RCOR1: variants seen among roughly 807,000 people sequenced by gnomAD.
RCOR1 encodes the protein REST corepressor.
RCOR1 carries 12 observed loss-of-function variants against 64.0 expected under a neutral mutation model. The observed-to-expected ratio is 0.19, with a 90% CI of 0.12 to 0.30. The LOEUF (loss-of-function observed/expected upper bound fraction) is 0.30, where lower values mean the gene tolerates loss of function less well. Among genes scored for constraint, RCOR1 ranks in the 10% least tolerant of loss-of-function variants. The pLI is 1.00. For synonymous variants in RCOR1, 279 were observed against 227.2 expected (o/e 1.23, Z -2.05); for missense variants, 502 against 621.2 (o/e 0.81, Z 2.04).
At chr14:102,657,551 T>G (rs1894751266) in intron 2 of RCOR1, 9 of 983,288 alleles carry the variant, frequency 9.2e-6, no homozygotes, top group Non-Finnish European at 9.7e-6. Context: ...ATCTGATGAT[T>G]GACTGACTGG....
chr14:102,658,822 C>T (rs1166487615), intron 2 of RCOR1, among the ~76,000 whole-genome samples: 1 of 152,188 alleles, frequency 6.6e-6, no homozygotes, highest in Non-Finnish European at 1.5e-5. Flanking sequence ...CTGTTTTTCA[C>T]ATGACTAGAC....
At chr14:102,650,937 T>C in intron 2 of RCOR1, 1 of 744,538 alleles carries the variant, frequency 1.3e-6, no homozygotes, top group Non-Finnish European at 1.6e-6. Context: ...TTAATTATCT[T>C]ATTACTAATA....
intron 2 of RCOR1, among the ~76,000 whole-genome samples, chr14:102,635,237 C>T (rs907455759): frequency 6.6e-6 from 1 of 152,214 alleles, no homozygotes; most frequent in African/African-American, 2.4e-5. Context: ...CACACGGCGG[C>T]TCATGCCTAT....
intron 2 of RCOR1, among the ~76,000 whole-genome samples, chr14:102,638,416 C>T (rs1025721616): frequency 4.6e-5 from 7 of 152,068 alleles, no homozygotes; most frequent in Non-Finnish European, 1.0e-4. Context: ...TCGTTCTTGT[C>T]ACCCAGGCTA....
At chr14:102,624,592 ACTCT>A (rs1208634323) in intron 2 of RCOR1, among the ~76,000 whole-genome samples, 1 of 151,868 alleles carries the variant, frequency 6.6e-6, no homozygotes, top group Non-Finnish European at 1.5e-5. Flanking sequence ...CTGGTGAAAC[ACTCT>A]CTCTACAAAA....
At chr14:102,656,133 T>A (rs1456516183) in intron 2 of RCOR1, 1 of 974,844 alleles carries the variant, frequency 1.0e-6, no homozygotes, top group Non-Finnish European at 1.2e-6. Context: ...GCTGAGATTT[T>A]TTTATTTTTT....
At chr14:102,676,507 A>G (rs1309401109) in intron 2 of RCOR1, among the ~76,000 whole-genome samples, 1 of 6,544 alleles carries the variant, frequency 1.5e-4, no homozygotes, top group African/African-American at 8.0e-4. Flanking sequence ...CGGCTGGCCG[A>G]CCCCCCCCCA....
chr14:102,688,920 C>T (rs1895475425), intron 3 of RCOR1, among the ~76,000 whole-genome samples: 1 of 152,190 alleles, frequency 6.6e-6, no homozygotes. Flanking sequence ...ACTCCATCCT[C>T]ATTCCAGTTG....
At chr14:102,693,073 C>G (rs1465517953) in intron 3 of RCOR1, among the ~76,000 whole-genome samples, 2 of 152,114 alleles carry the variant, frequency 1.3e-5, no homozygotes, top group African/African-American at 4.8e-5. Context: ...GCCCACATCC[C>G]ATTCTTGAAC....
At chr14:102,685,762 G>A (rs1895405260) in intron 3 of RCOR1, among the ~76,000 whole-genome samples, 1 of 152,132 alleles carries the variant, frequency 6.6e-6, no homozygotes, top group Admixed American at 6.5e-5. Flanking sequence ...AAGAGTTTGA[G>A]ACCAGTCTGG....
chr14:102,662,989 G>A (rs777050899), intron 2 of RCOR1, among the ~76,000 whole-genome samples: 10 of 152,226 alleles, frequency 6.6e-5, no homozygotes, highest in Non-Finnish European at 1.3e-4. Flanking sequence ...GTGTCCCCAC[G>A]CAAATCTCAT....
At chr14:102,608,437 C>T (rs1399110802) in intron 2 of RCOR1, among the ~76,000 whole-genome samples, 1 of 151,616 alleles carries the variant, frequency 6.6e-6, no homozygotes, top group Non-Finnish European at 1.5e-5. Context: ...TTTGTTTTGC[C>T]TTGTTTTTGT....
At chr14:102,610,290 TGTA>T (rs1029184732) in intron 2 of RCOR1, among the ~76,000 whole-genome samples, 9 of 152,274 alleles carry the variant, frequency 5.9e-5, no homozygotes, top group African/African-American at 2.2e-4. Flanking sequence ...AGATTTTCCT[TGTA>T]GTTATCTAGA....
At chr14:102,608,732 A>AT (rs1309248291) in intron 2 of RCOR1, among the ~76,000 whole-genome samples, 24 of 149,128 alleles carry the variant, frequency 1.6e-4, no homozygotes, top group African/African-American at 5.8e-4. Context: ...CTAATTTTAA[A>AT]ATTTTTTTTT....
At chr14:102,653,979 C>CTTTG (rs1255382619) in intron 2 of RCOR1, among the ~76,000 whole-genome samples, 9 of 22,084 alleles carry the variant, frequency 4.1e-4, no homozygotes, top group African/African-American at 2.0e-3. Context: ...TTCTTTCTTT[C>CTTTG]TTTCTTTTTT....
intron 8 of RCOR1, among the ~76,000 whole-genome samples, chr14:102,718,409 C>T (rs1566713620): frequency 6.6e-6 from 1 of 152,198 alleles, no homozygotes; most frequent in African/African-American, 2.4e-5. Flanking sequence ...CCCAAGACAT[C>T]ATCAACCTCT....
intron 4 of RCOR1, among the ~76,000 whole-genome samples, chr14:102,702,825 A>G (rs1356798350): frequency 6.6e-6 from 1 of 152,238 alleles, no homozygotes; most frequent in Non-Finnish European, 1.5e-5. Flanking sequence ...CACAGAGCAT[A>G]CAAAGAAATG....
intron 6 of RCOR1, among the ~76,000 whole-genome samples, chr14:102,709,791 T>TAAC (rs1895921719): frequency 1.3e-5 from 2 of 152,242 alleles, no homozygotes; most frequent in African/African-American, 4.8e-5. Context: ...GTAAGTCTGT[T>TAAC]ACTATAAGCA....
intron 6 of RCOR1, among the ~76,000 whole-genome samples, chr14:102,709,259 A>G (rs1325729334): frequency 1.3e-5 from 2 of 152,204 alleles, no homozygotes; most frequent in African/African-American, 2.4e-5. Flanking sequence ...ACTCACAGGC[A>G]GGTGACTTCA....
Sources: gnomAD v4.1 joint callset for allele counts (sites outside exome capture counted in the v4.1 genomes callset) on GRCh38, gnomAD v4.1.1 for gene constraint, MANE v1.5 for transcripts, NCBI Gene and HGNC (gene_info 2026-07-23, HGNC 2026-07-21) for gene names.